The following PIK3C3 variants were observed in gnomAD, a reference collection of about 807,000 sequenced individuals.
PIK3C3 encodes the protein phosphatidylinositol 3-kinase catalytic subunit type 3.
PIK3C3 carries 95 observed loss-of-function variants against 126.1 expected under a neutral mutation model. The ratio of observed to expected loss-of-function variants is 0.75; its 90% CI spans 0.64 to 0.89. The LOEUF is 0.89. PIK3C3 is among the 40% of genes least tolerant of loss of function. The probability of loss-of-function intolerance (pLI) is 0.00; values close to 1 mark genes in which losing one functional copy is unlikely to be tolerated. For missense variants in PIK3C3, 829 were observed against 1,063.2 expected, an observed-to-expected ratio of 0.78 and a Z score of 3.06; for synonymous variants, 374 against 360.0, an observed-to-expected ratio of 1.04 and a Z score of -0.44.
At chr18:42,079,946 A>AGTGTGT (rs6146278) in intron 24 of PIK3C3, among the ~76,000 whole-genome samples, 207 of 137,224 alleles carry the variant, frequency 1.5e-3, no homozygotes, top group Middle Eastern at 7.6e-3. Context: ...CCAACTTTTG[A>AGTGTGT]GTGTGTGTGT....
chr18:42,035,428 C>T (rs777522416), intron 16 of PIK3C3, among the ~76,000 whole-genome samples: 2 of 151,944 alleles, frequency 1.3e-5, no homozygotes, highest in Non-Finnish European at 2.9e-5. Context: ...ATATATCTCC[C>T]TCTATTGGTA....
chr18:42,034,076 A>C, intron 16 of PIK3C3, 119 bp downstream of exon 16: 1 of 597,424 alleles, frequency 1.7e-6, no homozygotes. Context: ...TAGTTGATTT[A>C]GTAAATGCTA....
At chr18:42,046,044 C>T (rs1984544062) in intron 20 of PIK3C3, among the ~76,000 whole-genome samples, 1 of 152,022 alleles carries the variant, frequency 6.6e-6, no homozygotes, top group Admixed American at 6.6e-5. Flanking sequence ...GGTCCATTTT[C>T]CCCCCAAGAG....
chr18:42,044,473 C>T (rs1315548490), intron 20 of PIK3C3, among the ~76,000 whole-genome samples: 6 of 151,702 alleles, frequency 4.0e-5, no homozygotes, highest in East Asian at 3.9e-4. Context: ...AGTGCAGTGG[C>T]GCAATCACAG....
rs1034784059 is a variant in PIK3C3, at chr18:42,024,319, A to G, written c.1485-3124A>G. On this transcript the variant is annotated intron_variant, in intron 13 of 24. Coordinates refer to ENST00000262039, the MANE Select transcript of PIK3C3 (RefSeq NM_002647.4). ...GATGTGAACAGAAACCTCAGAAATG[A>G]TTCAAATCTAGGTCTTCTAGTCTTG... Among the ~76,000 whole-genome samples, 7 of 152,222 alleles carry G rather than the reference A, an allele frequency of 4.6e-5. 1 individual carries two copies. Among genetic ancestry groups the G allele is most frequent in the Admixed American group, 2.0e-4 (3 of 15,286 alleles).
At chr18:42,074,529 A>C (rs959515098) in intron 24 of PIK3C3, among the ~76,000 whole-genome samples, 1 of 152,088 alleles carries the variant, frequency 6.6e-6, no homozygotes, top group Non-Finnish European at 1.5e-5. Flanking sequence ...TGAATTTATT[A>C]TTTCCTGCTG....
rs547277370 is a variant in PIK3C3 at position 42,041,556 on chromosome 18, T to G, written c.2103+815T>G. Among the ~76,000 whole-genome samples, 10 of 150,602 alleles carry G rather than the reference T, an allele frequency of 6.6e-5. No individual in the cohort carries two copies. In the South Asian group the frequency reaches 2.1e-3, roughly 32 times the overall value. On this transcript the variant is annotated intron_variant, in intron 19 of 24. Coordinates refer to ENST00000262039, the MANE Select transcript of PIK3C3 (RefSeq NM_002647.4). ...ACATGTTAATGGTTTATTTTTGTTA[T>G]TTTTAAAATATAATTTTCCTGCTTC...
chr18:42,012,624 A>G (rs1982881433), intron 10 of PIK3C3, among the ~76,000 whole-genome samples: 1 of 152,216 alleles, frequency 6.6e-6, no homozygotes, highest in African/African-American at 2.4e-5. Flanking sequence ...ATGTCAAGAC[A>G]ACCTTTATAG....
At chr18:41,969,653 G>T (rs1017921393) in intron 3 of PIK3C3, among the ~76,000 whole-genome samples, 6 of 152,182 alleles carry the variant, frequency 3.9e-5, no homozygotes, top group African/African-American at 1.4e-4. Context: ...AAAGAAAGGA[G>T]AAATCAATTT....
chr18:42,079,213 A>G (rs773433454), intron 24 of PIK3C3, among the ~76,000 whole-genome samples: 23 of 152,298 alleles, frequency 1.5e-4, no homozygotes, highest in Middle Eastern at 3.4e-3. Flanking sequence ...TTGATCACCT[A>G]GAGGCCCTGA....
chr18:41,979,204 T>G (rs1981077949), intron 4 of PIK3C3, among the ~76,000 whole-genome samples: 1 of 152,158 alleles, frequency 6.6e-6, no homozygotes, highest in Non-Finnish European at 1.5e-5. Flanking sequence ...ATACAGATGT[T>G]TCACTGTGTC....
At chr18:41,994,577 C>T (rs1382586574) in intron 7 of PIK3C3, among the ~76,000 whole-genome samples, 1 of 151,936 alleles carries the variant, frequency 6.6e-6, no homozygotes, top group Non-Finnish European at 1.5e-5. Context: ...CCCAGAAATA[C>T]ATCCAAGTAT....
At chr18:41,985,999 A>G (rs1208572037) in intron 4 of PIK3C3, among the ~76,000 whole-genome samples, 1 of 152,192 alleles carries the variant, frequency 6.6e-6, no homozygotes, top group African/African-American at 2.4e-5. Context: ...CAGTGGATCA[A>G]CTATTGTATC....
At chr18:42,054,299 C>T (rs1235807279) in intron 21 of PIK3C3, among the ~76,000 whole-genome samples, 6 of 149,824 alleles carry the variant, frequency 4.0e-5, no homozygotes, top group African/African-American at 1.2e-4. Context: ...AACTGAAGAA[C>T]TTGGAGTCGG....
intron 23 of PIK3C3, among the ~76,000 whole-genome samples, chr18:42,065,496 G>C (rs1034666122): frequency 6.6e-6 from 1 of 152,208 alleles, no homozygotes; most frequent in Non-Finnish European, 1.5e-5. Context: ...AGCAGATTGA[G>C]TTATGGCATT....
chr18:41,986,682 T>A (rs1270742851), intron 4 of PIK3C3, among the ~76,000 whole-genome samples: 1 of 152,100 alleles, frequency 6.6e-6, no homozygotes, highest in East Asian at 1.9e-4. Flanking sequence ...GCTAGCATAT[T>A]TGTCTATTAT....
chr18:41,994,583 A>G (rs1244169821), intron 7 of PIK3C3, among the ~76,000 whole-genome samples: 1 of 152,174 alleles, frequency 6.6e-6, no homozygotes, highest in Non-Finnish European at 1.5e-5. Flanking sequence ...AATACATCCA[A>G]GTATGCATGG....
intron 24 of PIK3C3, among the ~76,000 whole-genome samples, chr18:42,078,948 G>A (rs962287592): frequency 4.6e-5 from 7 of 152,180 alleles, no homozygotes; most frequent in African/African-American, 1.4e-4. Context: ...GTTGTAGCTG[G>A]TTTGGGCTTC....
At chr18:42,031,065 G>T (rs900627212) in intron 15 of PIK3C3, among the ~76,000 whole-genome samples, 8 of 152,130 alleles carry the variant, frequency 5.3e-5, no homozygotes, top group Admixed American at 5.2e-4. Context: ...TATGGTAAAA[G>T]ACAAACAATT....
Sources: allele counts gnomAD v4.1 joint callset (sites outside exome capture counted in the v4.1 genomes callset), GRCh38; gene constraint gnomAD v4.1.1; transcripts MANE v1.5; gene names NCBI Gene and HGNC (gene_info 2026-07-23, HGNC 2026-07-21).